Variants in MSI2 observed in about 807,000 individuals in gnomAD.
The protein encoded by MSI2 is RNA-binding protein Musashi homolog 2.
In MSI2, 17 loss-of-function variants were observed where a neutral mutation model predicts 45.6. That is an observed-to-expected ratio of 0.37 (90% CI 0.26 to 0.56). The LOEUF (loss-of-function observed/expected upper bound fraction) is 0.56, where lower values mean the gene tolerates loss of function less well. Among genes scored for constraint, MSI2 ranks in the 20% least tolerant of loss-of-function variants. The pLI is 0.77. For missense variants in MSI2, 293 were observed against 444.2 expected (o/e 0.66, Z 3.06); for synonymous variants, 156 against 158.2 (o/e 0.99, Z 0.11).
At chr17:57,358,826 G>T (rs1414877977) in intron 5 of MSI2, among the ~76,000 whole-genome samples, 2 of 152,176 alleles carry the variant, frequency 1.3e-5, no homozygotes, top group African/African-American at 4.8e-5. Flanking sequence ...TGGTCAAGAA[G>T]ATTGTAGGTG....
intron 5 of MSI2, among the ~76,000 whole-genome samples, chr17:57,392,253 C>T (rs1003902053): frequency 1.3e-5 from 2 of 152,216 alleles, no homozygotes; most frequent in African/African-American, 2.4e-5. Context: ...AATCTGTGGA[C>T]AGGTCACCCC....
At chr17:57,353,555 T>C (rs1363838659) in intron 5 of MSI2, among the ~76,000 whole-genome samples, 2 of 152,172 alleles carry the variant, frequency 1.3e-5, no homozygotes, top group African/African-American at 4.8e-5. Context: ...TCCTTTGTTA[T>C]TTAGGGAGTA....
intron 6 of MSI2, among the ~76,000 whole-genome samples, chr17:57,502,642 T>C (rs2086141577): frequency 1.5e-5 from 2 of 134,690 alleles, no homozygotes; most frequent in Non-Finnish European, 3.2e-5. Context: ...TATATAGTCA[T>C]CATTCTGTCA....
intron 6 of MSI2, among the ~76,000 whole-genome samples, chr17:57,443,716 CGTGTCACTCACTAGCT>C (rs2084844533): frequency 9.2e-5 from 14 of 152,126 alleles, no homozygotes; most frequent in Admixed American, 9.2e-4. Flanking sequence ...CAGCCTGAAC[CGTGTCACTCACTAGCT>C]GTGTCCTTGG....
chr17:57,632,500 A>ACCGATCCACC lies in MSI2; in HGVS notation c.727+5197_727+5198insCCGATCCACC, dbSNP rs1216593165. The ACCGATCCACC allele has an allele frequency of 9.4e-6, 10 of 1,066,218 alleles. No homozygotes were observed. The African/African-American group carries it at 1.6e-4, about 17-fold the overall frequency. The allele number at this position is 1,066,218 out of a possible 1,614,324, so 66.0% of individuals were successfully genotyped here. A position where few individuals can be genotyped will look rare whatever the true frequency, so the allele number is the denominator to read the frequency against. ...ACAGGCACGGTGGGCACCGATCCAC[A>ACCGATCCACC]GTGGGCCCCGCCTTCCCCAGCTCGC... is the stretch of plus-strand genomic sequence containing the variant. On this transcript the variant is annotated intron_variant, in intron 10 of 13. Coordinates refer to ENST00000284073, the MANE Select transcript of MSI2 (RefSeq NM_138962.4).
At chr17:57,320,853 C>G (rs1913274453) in intron 5 of MSI2, among the ~76,000 whole-genome samples, 1 of 152,086 alleles carries the variant, frequency 6.6e-6, no homozygotes, top group Non-Finnish European at 1.5e-5. Flanking sequence ...ACAAAGGGCT[C>G]TGGCAGCTGT....
At chr17:57,311,531 A>G (rs932029421) in intron 5 of MSI2, among the ~76,000 whole-genome samples, 1 of 152,126 alleles carries the variant, frequency 6.6e-6, no homozygotes, top group African/African-American at 2.4e-5. Context: ...AGCTGAAAGG[A>G]CAGAATGAAA....
chr17:57,328,220 A>T (rs928168663), intron 5 of MSI2, among the ~76,000 whole-genome samples: 1 of 151,810 alleles, frequency 6.6e-6, no homozygotes, highest in Non-Finnish European at 1.5e-5. Flanking sequence ...CCATCCATCC[A>T]TCCATCCATG....
rs1422029483 is a variant in MSI2 at position 57,627,212 on chromosome 17, T to C, written c.653-17T>C. 2 of 1,613,818 alleles carry C rather than the reference T, an allele frequency of 1.2e-6. No individual in the cohort carries two copies. Among genetic ancestry groups the C allele is most frequent in the Non-Finnish European group, 1.7e-6 (2 of 1,179,790 alleles). On this transcript the variant is annotated splice_polypyrimidine_tract_variant and intron_variant, in intron 9 of 13. Transcript: ENST00000284073. This position sits in a 1 kb window ranked among gnomAD's most constrained non-coding sequence, Gnocchi z 4.6. ...GGCTGTACTAACAGGACTCTGATCT[T>C]TCTCTTTGTGTTCAAGGATATCCCA...
chr17:57,471,957 C>T (rs892387810), intron 6 of MSI2, among the ~76,000 whole-genome samples: 4 of 146,296 alleles, frequency 2.7e-5, no homozygotes, highest in African/African-American at 1.0e-4. Flanking sequence ...CAGAGGCTTC[C>T]TGCCTGAGGA....
Position 57,331,417 on chromosome 17 carries a change from G to A in MSI2, c.312+69225G>A, listed in dbSNP as rs111995793. ...AGCTTGGGTTTTCAGTAACTTCTCTGGAAACTTAAGTGGAGGAGAGCAGAG... is the reference window on the plus strand; with the variant it reads ...AGCTTGGGTTTTCAGTAACTTCTCTAGAAACTTAAGTGGAGGAGAGCAGAG... On this transcript the variant is annotated intron_variant, in intron 5 of 13. Coordinates refer to ENST00000284073, the MANE Select transcript of MSI2 (RefSeq NM_138962.4). Among the ~76,000 whole-genome samples the A allele has an allele frequency of 2.6e-5, 4 of 152,192 alleles. 1 individual carries two copies. The highest frequency in any genetic ancestry group is 9.6e-5 in the African/African-American group (4 of 41,516).
At chr17:57,446,640 T>C (rs1456594421) in intron 6 of MSI2, among the ~76,000 whole-genome samples, 1 of 152,224 alleles carries the variant, frequency 6.6e-6, no homozygotes, top group Non-Finnish European at 1.5e-5. Context: ...ACTCTGGGAA[T>C]GTTCTTAACA....
At position 57,597,065 on chromosome 17, in the gene MSI2, G is replaced by T. The variant is rs936458576; in HGVS notation, c.537+115G>T. 4.9e-5 allele frequency: 35 copies of T among 708,952 alleles called. No individual in the cohort carries two copies. In the Middle Eastern group the frequency reaches 3.1e-3, roughly 63 times the overall value. 43.9% of individuals were successfully genotyped at this position (708,952 alleles called of 1,614,324 possible). A position where few individuals can be genotyped will look rare whatever the true frequency, so the allele number is the denominator to read the frequency against. ...CTGGAGTGGGCAGGGGTGGGGAGGG[G>T]GCTAGATGCTCGGGGTCCAGGCCTG... On this transcript the variant is annotated intron_variant, in intron 8 of 13. Transcript: ENST00000284073.
chr17:57,361,596 G>C (rs975246209), intron 5 of MSI2, among the ~76,000 whole-genome samples: 4 of 139,002 alleles, frequency 2.9e-5, no homozygotes, highest in Non-Finnish European at 4.6e-5. Flanking sequence ...GACAGAGCAA[G>C]ACCTTGTCTC....
chr17:57,682,491 T>C lies in MSI2; in HGVS notation c.*2974T>C, dbSNP rs1199889985. On this transcript the variant is annotated 3_prime_UTR_variant, in exon 14 of 14. Coordinates refer to ENST00000284073, the MANE Select transcript of MSI2 (RefSeq NM_138962.4). ...AAGAATGCTCAGAAGAAATTGATAATCTGTGTGAATATGTTTTAGATGTTT... is the reference window on the plus strand; with the variant it reads ...AAGAATGCTCAGAAGAAATTGATAACCTGTGTGAATATGTTTTAGATGTTT... 1 of 203,878 alleles carries C rather than the reference T, an allele frequency of 4.9e-6. No homozygotes were observed. The highest frequency in any genetic ancestry group is 1.0e-5 in the Non-Finnish European group (1 of 99,662). 12.6% of individuals were successfully genotyped at this position (203,878 alleles called of 1,614,324 possible). A position where few individuals can be genotyped will look rare whatever the true frequency, so the allele number is the denominator to read the frequency against.
chr17:57,489,920 G>T (rs1351443218), intron 6 of MSI2, among the ~76,000 whole-genome samples: 1 of 152,204 alleles, frequency 6.6e-6, no homozygotes, highest in Non-Finnish European at 1.5e-5. Context: ...TGAAGGAAGA[G>T]GAATTAGGGT....
At chr17:57,342,192 T>A (rs779296147) in intron 5 of MSI2, among the ~76,000 whole-genome samples, 4 of 152,186 alleles carry the variant, frequency 2.6e-5, no homozygotes, top group Non-Finnish European at 5.9e-5. Flanking sequence ...TTGAGCTAAT[T>A]GGTTTGAAAA....
intron 5 of MSI2, among the ~76,000 whole-genome samples, chr17:57,321,196 G>T (rs1186504661): frequency 6.6e-6 from 1 of 151,920 alleles, no homozygotes; most frequent in Non-Finnish European, 1.5e-5. Context: ...TGGGAAAAGT[G>T]ACCAGGAGTC....
At chr17:57,306,258 T>C (rs1401402628) in intron 5 of MSI2, among the ~76,000 whole-genome samples, 5 of 152,058 alleles carry the variant, frequency 3.3e-5, no homozygotes. Flanking sequence ...GCAGACCTTC[T>C]GGGGCTTGGA....
Sources: allele counts gnomAD v4.1 joint callset (sites outside exome capture counted in the v4.1 genomes callset), GRCh38; gene constraint gnomAD v4.1.1; non-coding constraint Gnocchi (gnomAD v3.1); transcripts MANE v1.5; gene names NCBI Gene and HGNC (gene_info 2026-07-23, HGNC 2026-07-21).